The following HLA-DOA variants were observed in gnomAD, a reference collection of about 807,000 sequenced individuals.
The protein encoded by HLA-DOA is major histocompatibility complex, class II, DO alpha, also known as HLA class II histocompatibility antigen, DO alpha chain.
Under a neutral mutation model 22.9 loss-of-function variants are expected in HLA-DOA, and 27 were observed. That is an observed-to-expected ratio of 1.18 (90% CI 0.87 to 1.62). The LOEUF is 1.62. Among genes scored for constraint, HLA-DOA ranks in the 40% most tolerant of loss-of-function variants. HLA-DOA has a pLI of 0.00. For synonymous variants in HLA-DOA, 137 were observed against 138.6 expected, an observed-to-expected ratio of 0.99 and a Z score of 0.08; for missense variants, 324 against 332.4, an observed-to-expected ratio of 0.97 and a Z score of 0.20.
chr6:33,006,982 T>C (rs1454677014), intron 4 of HLA-DOA, 98 bp downstream of exon 4: 4 of 1,522,438 alleles, frequency 2.6e-6, no homozygotes, highest in Non-Finnish European at 3.6e-6. Flanking sequence ...CTTTTCTGAC[T>C]TCTTTCCCCA....
In HLA-DOA at chr6:33,007,503, G is replaced by C. The variant is rs746487868; in HGVS notation, c.421C>G (p.Pro141Ala). The C allele has an allele frequency of 8.1e-6, 13 of 1,612,914 alleles. No homozygotes were observed. Among genetic ancestry groups the C allele is most frequent in the East Asian group, 4.5e-5 (2 of 44,898 alleles). Reference sequence around the variant, plus strand: ...CGCAGCCAGGTGATATTGATCACAGGGGGGAAGATGTTGTCCACGATGCAG... The same window carrying C: ...CGCAGCCAGGTGATATTGATCACAGCGGGGAAGATGTTGTCCACGATGCAG... ...LICIVDNIFP[P>A]VINITWLRNG... Residue 141 changes from proline to alanine, a missense_variant, in exon 3 of 5, where the codon CCT becomes GCT. Physicochemically the swap from Pro to Ala is conservative, Grantham distance 27. Transcript: ENST00000229829.
Position 33,006,550 on chromosome 6 carries a change from A to G in HLA-DOA, c.*288T>C. ...CTGGAAGAACTGGCCAAGGCCTGGAAAGGACACAGTGCAAACACCACCAAA... is the reference window on the plus strand; with the variant it reads ...CTGGAAGAACTGGCCAAGGCCTGGAGAGGACACAGTGCAAACACCACCAAA... On this transcript the variant is annotated 3_prime_UTR_variant, in exon 5 of 5. Coordinates refer to ENST00000229829, the MANE Select transcript of HLA-DOA (RefSeq NM_002119.4). The G allele has an allele frequency of 1.7e-6, 1 of 582,890 alleles. No individual in the cohort carries two copies. Among genetic ancestry groups the G allele is most frequent in the Non-Finnish European group, 3.1e-6 (1 of 327,108 alleles). The allele number at this position is 582,890 out of a possible 1,614,324, so 36.1% of individuals were successfully genotyped here.
intron 2 of HLA-DOA, 127 bp from the exon 3 acceptor site, chr6:33,007,719 G>T: frequency 9.0e-7 from 1 of 1,114,502 alleles, no homozygotes; most frequent in Non-Finnish European, 1.3e-6. Flanking sequence ...GTATCCACTG[G>T]GGCAGGAGAG....
intron 2 of HLA-DOA, 105 bp downstream of exon 2, chr6:33,007,908 C>T (rs763998339): frequency 2.5e-5 from 35 of 1,410,562 alleles, no homozygotes; most frequent in Admixed American, 6.7e-5. Context: ...GCATGACAGG[C>T]GCGGGCGCTG....
rs1264601829 is a variant in HLA-DOA, at chr6:33,004,199, A to G, written c.*2639T>C. 6.6e-6 allele frequency: 1 copy of G among 152,224 alleles called. No individual in the cohort carries two copies. Among genetic ancestry groups the G allele is most frequent in the Non-Finnish European group, 1.5e-5 (1 of 68,032 alleles). The allele number at this position is 152,224 out of a possible 1,614,324, so 9.4% of individuals were successfully genotyped here. ...CATATTTCTTTAGTCAAAAGAACAC[A>G]ATTTTAATGACTTTATCAAGCCTTA... On this transcript the variant is annotated 3_prime_UTR_variant, in exon 5 of 5. Coordinates refer to ENST00000229829, the MANE Select transcript of HLA-DOA (RefSeq NM_002119.4).
Position 33,007,063 on chromosome 6 carries a change from T to C in HLA-DOA, c.749+17A>G. On this transcript the variant is annotated intron_variant, in intron 4 of 4. Transcript: ENST00000229829. ...CACTTTCCTCCCCCACCCCCCAGAC[T>C]CCCGGGGCCTCTGCACCTGGGGACA... The C allele has an allele frequency of 6.3e-7, 1 of 1,599,948 alleles. No homozygotes were observed. The highest frequency in any genetic ancestry group is 8.5e-7 in the Non-Finnish European group (1 of 1,172,648).
chr6:33,006,802 G>C lies in HLA-DOA; in HGVS notation c.*36C>G. On this transcript the variant is annotated 3_prime_UTR_variant, in exon 5 of 5. Coordinates refer to ENST00000229829, the MANE Select transcript of HLA-DOA (RefSeq NM_002119.4). Reference sequence around the variant, plus strand: ...GTCACAAACCCATGAGGATCTGCAGGGTGTCTCCCACAAGTCATTTCTCTC... The same window carrying C: ...GTCACAAACCCATGAGGATCTGCAGCGTGTCTCCCACAAGTCATTTCTCTC... 1 of 1,612,860 alleles carries C rather than the reference G, an allele frequency of 6.2e-7. No homozygotes were observed. Among genetic ancestry groups the C allele is most frequent in the South Asian group, 1.1e-5 (1 of 91,082 alleles).
chr6:33,007,018 A>T, intron 4 of HLA-DOA, 62 bp downstream of exon 4: 1 of 1,559,094 alleles, frequency 6.4e-7, no homozygotes, highest in South Asian at 1.2e-5. Flanking sequence ...TTCTCCACCC[A>T]CGTCCTGTTC....
rs3128936 is a variant in HLA-DOA, at chr6:33,005,486, A to G, written c.*1352T>C. ...CAGCCTGGTGACAGAGTGAGACCCC[A>G]TCTCAGAAAAGACAGCCTCCCTGTT... On this transcript the variant is annotated 3_prime_UTR_variant, in exon 5 of 5. Coordinates refer to ENST00000229829, the MANE Select transcript of HLA-DOA (RefSeq NM_002119.4). 6.6e-6 allele frequency: 1 copy of G among 151,818 alleles called. No individual in the cohort carries two copies. Among genetic ancestry groups the G allele is most frequent in the Non-Finnish European group, 1.5e-5 (1 of 68,072 alleles). The allele number at this position is 151,818 out of a possible 1,614,324, so 9.4% of individuals were successfully genotyped here.
At chr6:33,007,905 A>T in intron 2 of HLA-DOA, 108 bp downstream of exon 2, 1 of 1,391,178 alleles carries the variant, frequency 7.2e-7, no homozygotes. Flanking sequence ...AGGGCATGAC[A>T]GGCGCGGGCG....
In HLA-DOA at chr6:33,008,260, A is replaced by C. The variant is rs758912757; in HGVS notation, c.84T>G (p.Ala28=). The change falls in exon 2 of 5, where the codon GCT becomes GCG. Residue 28 remains alanine, a splice_region_variant and synonymous_variant. Coordinates refer to ENST00000229829, the MANE Select transcript of HLA-DOA (RefSeq NM_002119.4). ...CGGGTCCGTAGGAGCCCATGTGGTC[A>C]GCTGTGTTTGGCGAGTTCAGGGTCA... is the stretch of plus-strand genomic sequence containing the variant. ...LSPQEAGATK[A]DHMGSYGPAF... is the part of the protein sequence containing the mutation. The C allele has an allele frequency of 1.2e-6, 2 of 1,612,542 alleles. No homozygotes were observed. The highest frequency in any genetic ancestry group is 1.1e-5 in the South Asian group (1 of 91,024).
rs1029884818 is a variant in HLA-DOA, at chr6:33,009,070, T to C, written c.82+385A>G. 6.6e-6 allele frequency among the ~76,000 whole-genome samples: 1 copy of C among 151,960 alleles called. No individual in the cohort carries two copies. Among genetic ancestry groups the C allele is most frequent in the African/African-American group, 2.4e-5 (1 of 41,320 alleles). On this transcript the variant is annotated intron_variant, in intron 1 of 4. Transcript: ENST00000229829. The surrounding 1 kb of genome is among the most constrained non-coding windows in gnomAD (Gnocchi z 4.8). Reference sequence around the variant, plus strand: ...CTCCCGAAGAACAAAGACAGGTAAATAGTTAACTACCGGCATGGGCATAAA... The same window carrying C: ...CTCCCGAAGAACAAAGACAGGTAAACAGTTAACTACCGGCATGGGCATAAA...
intron 4 of HLA-DOA, 61 bp downstream of exon 4, chr6:33,007,019 C>T (rs1780836430): frequency 5.1e-6 from 8 of 1,561,868 alleles, no homozygotes; most frequent in East Asian, 2.2e-5. Flanking sequence ...TCTCCACCCA[C>T]GTCCTGTTCA....
chr6:33,007,426 C>A lies in HLA-DOA; in HGVS notation c.498G>T (p.Gln166His). Reference protein sequence around the residue: ...EGVAQTSFYSQPDHLFRKFHY... With the variant: ...EGVAQTSFYSHPDHLFRKFHY... Reference sequence around the variant, plus strand: ...GGAACTTGCGGAACAAATGGTCAGGCTGGGAATAGAAGCTGGTCTGGGCCA... The same window carrying A: ...GGAACTTGCGGAACAAATGGTCAGGATGGGAATAGAAGCTGGTCTGGGCCA... Residue 166 changes from glutamine to histidine, a missense_variant, in exon 3 of 5, where the codon CAG becomes CAT. By Grantham distance (24) the Gln-to-His change is conservative. Transcript: ENST00000229829. The A allele has an allele frequency of 6.2e-7, 1 of 1,608,074 alleles. No homozygotes were observed. The highest frequency in any genetic ancestry group is 1.7e-5 in the Admixed American group (1 of 59,714).
rs11575906 is a variant in HLA-DOA, at chr6:33,008,031, G to A, written c.313C>T (p.Arg105Cys). 19,336 of 1,612,770 alleles carry A rather than the reference G, an allele frequency of 0.012. 204 individuals carry two copies. Among genetic ancestry groups the A allele is most frequent in the South Asian group, 0.029 (2,639 of 91,052 alleles). Reference protein sequence around the residue: ...HLDILVERSNRSRAINVPPRV... With the variant: ...HLDILVERSNCSRAINVPPRV... ...CCGGTACCGTTGATGGCTCTGCTGC[G>A]GTTGGAGCGCTCCACCAGGATGTCC... Residue 105 changes from arginine to cysteine, a missense_variant, in exon 2 of 5, where the codon CGC (arginine) becomes TGC (cysteine). Arg to Cys is a radical substitution (Grantham distance 180, BLOSUM62 -3). Transcript: ENST00000229829.
chr6:33,007,622 C>A, intron 2 of HLA-DOA, 30 bp from the exon 3 acceptor site: 1 of 1,594,176 alleles, frequency 6.3e-7, no homozygotes, highest in Non-Finnish European at 8.5e-7. Flanking sequence ...AGTCCACAGG[C>A]TCATCCCTCA....
At position 33,006,772 on chromosome 6, in the gene HLA-DOA, G is replaced by A. The variant is rs1321775859; in HGVS notation, c.*66C>T. ...CACTTAAAGGGCACTGAGCACGCAGGGGCTGTCACAAACCCATGAGGATCT... is the reference window on the plus strand; with the variant it reads ...CACTTAAAGGGCACTGAGCACGCAGAGGCTGTCACAAACCCATGAGGATCT... On this transcript the variant is annotated 3_prime_UTR_variant, in exon 5 of 5. Transcript: ENST00000229829. 2.5e-6 allele frequency: 4 copies of A among 1,612,762 alleles called. No individual in the cohort carries two copies. The highest frequency in any genetic ancestry group is 2.2e-5 in the South Asian group (2 of 91,070).
Position 33,005,751 on chromosome 6 carries a change from A to G in HLA-DOA, c.*1087T>C, listed in dbSNP as rs1010975172. The G allele has an allele frequency of 6.6e-6, 1 of 151,710 alleles. No individual in the cohort carries two copies. The highest frequency in any genetic ancestry group is 1.5e-5 in the Non-Finnish European group (1 of 67,948). The allele number at this position is 151,710 out of a possible 1,614,324, so 9.4% of individuals were successfully genotyped here. On this transcript the variant is annotated 3_prime_UTR_variant, in exon 5 of 5. Coordinates refer to ENST00000229829, the MANE Select transcript of HLA-DOA (RefSeq NM_002119.4). ...AGCCACCATGCCTGGTTAATTTTTA[A>G]ATCTTTCTTTGTAGAGATGGGGTCT...
In HLA-DOA at chr6:33,006,153, A is replaced by G. The variant is rs934571057; in HGVS notation, c.*685T>C. On this transcript the variant is annotated 3_prime_UTR_variant, in exon 5 of 5. Transcript: ENST00000229829. The stretch of plus-strand genomic sequence containing the variant: ...TAACATGACTGACTCCACTGAGGGA[A>G]GTGGCCACCTTATCCAAGCCTTGGG... The G allele has an allele frequency of 6.6e-6, 1 of 152,486 alleles. No homozygotes were observed. The highest frequency in any genetic ancestry group is 2.4e-5 in the African/African-American group (1 of 41,426). The allele number at this position is 152,486 out of a possible 1,614,324, so 9.4% of individuals were successfully genotyped here.
Sources: gnomAD v4.1 joint callset for allele counts (sites outside exome capture counted in the v4.1 genomes callset) on GRCh38, gnomAD v4.1.1 for gene constraint, Gnocchi (gnomAD v3.1) non-coding constraint, MANE v1.5 for transcripts, NCBI Gene and HGNC (gene_info 2026-07-23, HGNC 2026-07-21) for gene names.